The following LARGE1 variants were observed in gnomAD, a reference collection of about 807,000 sequenced individuals.
The protein encoded by LARGE1 is xylosyl- and glucuronyltransferase LARGE1.
Under a neutral mutation model 87.6 loss-of-function variants are expected in LARGE1, and 43 were observed. That is an observed-to-expected ratio of 0.49 (90% CI 0.38 to 0.63). The LOEUF (loss-of-function observed/expected upper bound fraction) is 0.63, where lower values mean the gene tolerates loss of function less well. Ranked by LOEUF, LARGE1 falls within the 30% of genes least tolerant of loss-of-function variation. The probability of loss-of-function intolerance (pLI) is 0.00; values close to 1 mark genes in which losing one functional copy is unlikely to be tolerated. For missense variants in LARGE1, 802 were observed against 1,000.2 expected, an observed-to-expected ratio of 0.80 and a Z score of 2.67; for synonymous variants, 434 against 394.6, an observed-to-expected ratio of 1.10 and a Z score of -1.18.
At chr22:33,723,863 T>C (rs1196419450) in intron 2 of LARGE1, 1 of 152,228 alleles carries the variant, frequency 6.6e-6, no homozygotes, top group Non-Finnish European at 1.5e-5. Context: ...AGCCCAGCCT[T>C]TGGTTGCAGC....
intron 6 of LARGE1, among the ~76,000 whole-genome samples, chr22:33,496,783 C>T (rs917067871): frequency 6.6e-6 from 1 of 152,206 alleles, no homozygotes; most frequent in Non-Finnish European, 1.5e-5. Flanking sequence ...CTCTTTTATC[C>T]CACTTCTGCA....
intron 1 of LARGE1, among the ~76,000 whole-genome samples, chr22:33,919,317 T>C (rs775364741): frequency 1.3e-5 from 2 of 152,086 alleles, no homozygotes; most frequent in African/African-American, 2.4e-5. Flanking sequence ...GATAAGGCAA[T>C]GAACAAAATA....
At chr22:33,894,861 C>G (rs2065091792) in intron 1 of LARGE1, among the ~76,000 whole-genome samples, 1 of 152,092 alleles carries the variant, frequency 6.6e-6, no homozygotes, top group South Asian at 2.1e-4. Context: ...AGGAGGTGCT[C>G]AAAAAATGGC....
At chr22:33,832,018 C>T (rs181545016) in intron 1 of LARGE1, among the ~76,000 whole-genome samples, 19 of 152,340 alleles carry the variant, frequency 1.2e-4, no homozygotes, top group Admixed American at 3.9e-4. Flanking sequence ...AAAGCCCTCC[C>T]TTCTTCCTTT....
chr22:33,634,719 C>G (rs1487229781), intron 3 of LARGE1, among the ~76,000 whole-genome samples: 1 of 151,846 alleles, frequency 6.6e-6, no homozygotes, highest in East Asian at 1.9e-4. Context: ...CCTGGAAATC[C>G]AGAGAGCTGG....
chr22:33,489,923 G>C (rs1349153319), intron 6 of LARGE1, among the ~76,000 whole-genome samples: 1 of 152,186 alleles, frequency 6.6e-6, no homozygotes, highest in Non-Finnish European at 1.5e-5. Context: ...GGGTGGTGTT[G>C]CTGTCTCTAA....
intron 6 of LARGE1, among the ~76,000 whole-genome samples, chr22:33,471,763 G>A (rs56338801): frequency 0.013 from 1,935 of 152,220 alleles, 11 homozygotes; most frequent in Non-Finnish European, 0.021. Context: ...GGCCAGGCGC[G>A]GTGGCTCACC....
At chr22:33,473,445 G>A (rs2148130038) in intron 6 of LARGE1, among the ~76,000 whole-genome samples, 1 of 152,262 alleles carries the variant, frequency 6.6e-6, no homozygotes. Context: ...TGCCTCCCGG[G>A]TTCAAGTGAT....
At chr22:33,121,756 A>G in the LARGE1 span, among the ~76,000 whole-genome samples, 4 of 152,178 alleles carry the variant, frequency 2.6e-5, no homozygotes, top group Admixed American at 1.3e-4. Context: ...TGGGTAATTT[A>G]TAAAGAAAAG....
intron 11 of LARGE1, among the ~76,000 whole-genome samples, chr22:33,310,525 G>C (rs996987342): frequency 6.6e-6 from 1 of 152,102 alleles, no homozygotes; most frequent in Non-Finnish European, 1.5e-5. Context: ...CTTTCTGAAC[G>C]GAATTCCAGA....
At position 33,604,494 on chromosome 22, in the gene LARGE1, A is replaced by C. The variant is rs756792281; in HGVS notation, c.556T>G (p.Phe186Val). The part of the protein sequence containing the change: ...SIAEQILATL[F>V]QTWMVPAVRV... ...ACAGCGGGCACCATCCAGGTCTGGA[A>C]GAGCGTGGCCAGGATCTGCTCCGCA... The change falls in exon 5 of 15, where the codon TTC becomes GTC. Residue 186 changes from phenylalanine to valine, a missense_variant. Coordinates refer to ENST00000397394, the MANE Select transcript of LARGE1 (RefSeq NM_133642.5). The C allele has an allele frequency of 6.2e-7, 1 of 1,614,012 alleles. No homozygotes were observed. The highest frequency in any genetic ancestry group is 8.5e-7 in the Non-Finnish European group (1 of 1,180,006).
At chr22:33,868,121 C>T (rs1416885082) in intron 1 of LARGE1, among the ~76,000 whole-genome samples, 1 of 152,292 alleles carries the variant, frequency 6.6e-6, no homozygotes, top group East Asian at 1.9e-4. Context: ...TTCATACCAG[C>T]AACCTCGTCC....
intron 1 of LARGE1, among the ~76,000 whole-genome samples, chr22:33,866,159 T>G (rs766826833): frequency 6.6e-6 from 1 of 152,072 alleles, no homozygotes; most frequent in Non-Finnish European, 1.5e-5. Context: ...TGGATGGATG[T>G]GGCCAACTCA....
chr22:33,476,587 G>A (rs574604994), intron 6 of LARGE1, among the ~76,000 whole-genome samples: 26 of 152,230 alleles, frequency 1.7e-4, no homozygotes, highest in African/African-American at 6.3e-4. Context: ...CCTTAACCTT[G>A]GCAAAATAAA....
intron 2 of LARGE1, among the ~76,000 whole-genome samples, chr22:33,754,785 G>C (rs1414699083): frequency 3.9e-5 from 6 of 152,168 alleles, no homozygotes; most frequent in Non-Finnish European, 7.3e-5. Flanking sequence ...GCAAAAATAG[G>C]CTTTCCTGCT....
chr22:33,285,658 C>T (rs1314455713), intron 12 of LARGE1, among the ~76,000 whole-genome samples: 1 of 151,290 alleles, frequency 6.6e-6, no homozygotes, highest in Non-Finnish European at 1.5e-5. Flanking sequence ...AAAACCTTGT[C>T]CTCCATTGCT....
intron 10 of LARGE1, among the ~76,000 whole-genome samples, chr22:33,331,861 C>T (rs1332310744): frequency 6.6e-6 from 1 of 152,178 alleles, no homozygotes; most frequent in East Asian, 1.9e-4. Flanking sequence ...TCCTTCACTC[C>T]TACTTATTCA....
At chr22:33,504,124 G>A (rs2070645288) in intron 6 of LARGE1, among the ~76,000 whole-genome samples, 1 of 152,176 alleles carries the variant, frequency 6.6e-6, no homozygotes, top group Admixed American at 6.5e-5. Flanking sequence ...CAGCGGTAAT[G>A]GGAAAATGAG....
chr22:33,480,265 G>A (rs1233643672), intron 6 of LARGE1, among the ~76,000 whole-genome samples: 1 of 152,210 alleles, frequency 6.6e-6, no homozygotes, highest in Non-Finnish European at 1.5e-5. Context: ...GAAATACAGA[G>A]AGTGACAGTA....
Sources: allele counts gnomAD v4.1 joint callset (sites outside exome capture counted in the v4.1 genomes callset), GRCh38; gene constraint gnomAD v4.1.1; transcripts MANE v1.5; gene names NCBI Gene and HGNC (gene_info 2026-07-23, HGNC 2026-07-21).